NIBAN1: variants seen among roughly 807,000 people sequenced by gnomAD.
The protein encoded by NIBAN1 is protein Niban 1.
A neutral mutation model predicts 75.1 loss-of-function variants in NIBAN1; 81 were observed. The ratio of observed to expected loss-of-function variants is 1.08; its 90% CI spans 0.90 to 1.30. The LOEUF (loss-of-function observed/expected upper bound fraction) is 1.30, where lower values mean the gene tolerates loss of function less well. Among genes scored for constraint, NIBAN1 ranks in the 50% most tolerant of loss-of-function variants. NIBAN1 has a pLI of 0.00. For synonymous variants in NIBAN1, 436 were observed against 424.8 expected (o/e 1.03, Z -0.32); for missense variants, 1,133 against 1,128.1 (o/e 1.00, Z -0.06).
intron 6 of NIBAN1, among the ~76,000 whole-genome samples, chr1:184,825,565 CTA>C (rs1478282224): frequency 5.9e-5 from 9 of 152,184 alleles, no homozygotes; most frequent in African/African-American, 1.9e-4. Context: ...GAGGGAGTGT[CTA>C]AATTTTTCAA....
At chr1:184,895,186 A>G (rs1656766490) in intron 2 of NIBAN1, among the ~76,000 whole-genome samples, 1 of 152,184 alleles carries the variant, frequency 6.6e-6, no homozygotes. Flanking sequence ...TAGGAGACAG[A>G]TAATGCGGCA....
chr1:184,870,736 T>C (rs1274330381), intron 5 of NIBAN1, among the ~76,000 whole-genome samples: 1 of 152,168 alleles, frequency 6.6e-6, no homozygotes, highest in Non-Finnish European at 1.5e-5. Context: ...GTTAACACCA[T>C]GCAAAAACCT....
At chr1:184,931,607 C>T (rs1159554830) in intron 1 of NIBAN1, among the ~76,000 whole-genome samples, 10 of 152,136 alleles carry the variant, frequency 6.6e-5, no homozygotes, top group Admixed American at 5.9e-4. Context: ...GACCACAATT[C>T]TGTATTTTAT....
Position 184,793,087 on chromosome 1 carries a change from G to A in NIBAN1, c.*1890C>T, listed in dbSNP as rs1315949402. The A allele has an allele frequency of 6.6e-6, 1 of 152,120 alleles. No homozygotes were observed. The highest frequency in any genetic ancestry group is 1.5e-5 in the Non-Finnish European group (1 of 68,020). The allele number at this position is 152,120 out of a possible 1,614,324, so 9.4% of individuals were successfully genotyped here. A position where few individuals can be genotyped will look rare whatever the true frequency, so the allele number is the denominator to read the frequency against. Reference sequence around the variant, plus strand: ...AAATATGATATTATACATATACTGAGTATTATTCATGTTTATGACCTAGAA... The same window carrying A: ...AAATATGATATTATACATATACTGAATATTATTCATGTTTATGACCTAGAA... On this transcript the variant is annotated 3_prime_UTR_variant, in exon 14 of 14. Transcript: ENST00000367511.
At chr1:184,889,221 G>A (rs1656606062) in intron 4 of NIBAN1, among the ~76,000 whole-genome samples, 1 of 152,192 alleles carries the variant, frequency 6.6e-6, no homozygotes, top group South Asian at 2.1e-4. Context: ...TGGAATGAAT[G>A]AGAATCAAAG....
At chr1:184,969,800 G>A (rs908217043) in intron 1 of NIBAN1, among the ~76,000 whole-genome samples, 1 of 151,730 alleles carries the variant, frequency 6.6e-6, no homozygotes, top group African/African-American at 2.4e-5. Flanking sequence ...CCAAAGTGCC[G>A]GGATTACAGG....
rs764831362 is a variant in NIBAN1, at chr1:184,798,045, G to T, written c.1666+34C>A. 26 of 1,440,132 alleles carry T rather than the reference G, an allele frequency of 1.8e-5. No homozygotes were observed. The East Asian group carries it at 5.3e-4, about 29-fold the overall frequency. The allele number at this position is 1,440,132 out of a possible 1,614,324, so 89.2% of individuals were successfully genotyped here. ...TATTTCAGGGATGCTCCCCTCTATG[G>T]AGTGTCCCTGCAGCACCAGGTAACC... On this transcript the variant is annotated intron_variant, in intron 13 of 13. Coordinates refer to ENST00000367511, the MANE Select transcript of NIBAN1 (RefSeq NM_052966.4).
At chr1:184,872,299 T>C (rs1208239612) in intron 5 of NIBAN1, among the ~76,000 whole-genome samples, 5 of 151,536 alleles carry the variant, frequency 3.3e-5, no homozygotes, top group Non-Finnish European at 7.4e-5. Context: ...GTAGATAAGG[T>C]TAGTAATGGA....
chr1:184,923,070 G>A (rs1198400727), intron 1 of NIBAN1, among the ~76,000 whole-genome samples: 1 of 152,118 alleles, frequency 6.6e-6, no homozygotes, highest in African/African-American at 2.4e-5. Flanking sequence ...CTAACTTGAT[G>A]GGATCCCATT....
intron 1 of NIBAN1, among the ~76,000 whole-genome samples, chr1:184,917,202 CTTTTTT>C (rs34437861): frequency 1.5e-5 from 2 of 137,504 alleles, no homozygotes; most frequent in Non-Finnish European, 3.1e-5. Flanking sequence ...ATCTCTTCCA[CTTTTTT>C]TTTTTTTTTT....
chr1:184,818,824 C>T lies in NIBAN1; in HGVS notation c.987G>A (p.Ala329=), dbSNP rs201730264. ...SKNYLIGKIK[A]MVAQPAEKSC... ...TTTTCTCCGCCGGCTGGGCCACCAT[C>T]GCTGAGGTAGGAAATAGCCAAAAAA... Residue 329 remains alanine (A), a splice_region_variant and synonymous_variant, in exon 9 of 14, where the codon GCG becomes GCA. Coordinates refer to ENST00000367511, the MANE Select transcript of NIBAN1 (RefSeq NM_052966.4). 3.2e-4 allele frequency: 500 copies of T among 1,585,690 alleles called. No individual in the cohort carries two copies. Among genetic ancestry groups the T allele is most frequent in the Admixed American group, 4.7e-4 (27 of 57,542 alleles).
intron 5 of NIBAN1, among the ~76,000 whole-genome samples, chr1:184,834,303 G>T (rs1357938046): frequency 6.6e-6 from 1 of 152,124 alleles, no homozygotes; most frequent in East Asian, 1.9e-4. Context: ...ATTGTGAATA[G>T]TGCCACAATA....
At chr1:184,964,992 T>C (rs2102086443) in intron 1 of NIBAN1, among the ~76,000 whole-genome samples, 1 of 152,246 alleles carries the variant, frequency 6.6e-6, no homozygotes, top group East Asian at 1.9e-4. Flanking sequence ...AGCCAGCTGT[T>C]ATGTGCCTCC....
At chr1:184,808,043 C>A (rs543912) in intron 10 of NIBAN1, 31 bp downstream of exon 10, 315,908 of 1,611,300 alleles carry the variant, frequency 0.2, 34,445 homozygotes, top group East Asian at 0.36. Context: ...TCTTTACCCT[C>A]ATCCACCACG....
intron 6 of NIBAN1, among the ~76,000 whole-genome samples, chr1:184,827,733 C>A (rs1654881918): frequency 6.6e-6 from 1 of 151,838 alleles, no homozygotes; most frequent in Non-Finnish European, 1.5e-5. Context: ...CACAGTGCTT[C>A]CTTTCAGATG....
chr1:184,808,189 T>G lies in NIBAN1; in HGVS notation c.1220A>C (p.Glu407Ala). 6.2e-7 allele frequency: 1 copy of G among 1,614,094 alleles called. No homozygotes were observed. The highest frequency in any genetic ancestry group is 8.5e-7 in the Non-Finnish European group (1 of 1,180,008). Residue 407 changes from glutamate to alanine, a missense_variant, in exon 10 of 14, where the codon GAA (glutamate) becomes GCA (alanine). Coordinates refer to ENST00000367511, the MANE Select transcript of NIBAN1 (RefSeq NM_052966.4). Reference sequence around the variant, plus strand: ...CAGGTTGACTTTAGTATAACAAGGTTCCATCTTCACGGAATGCAGCGGAAG... The same window carrying G: ...CAGGTTGACTTTAGTATAACAAGGTGCCATCTTCACGGAATGCAGCGGAAG... The part of the protein sequence containing the change: ...MNLPLHSVKM[E>A]PCYTKVNLLH...
At chr1:184,828,792 C>T (rs1344140030) in intron 6 of NIBAN1, among the ~76,000 whole-genome samples, 1 of 144,934 alleles carries the variant, frequency 6.9e-6, no homozygotes, top group Admixed American at 7.3e-5. Flanking sequence ...CACTTAAATT[C>T]TGAGAGAAGC....
intron 1 of NIBAN1, among the ~76,000 whole-genome samples, chr1:184,908,313 G>A (rs1244046709): frequency 1.3e-5 from 2 of 152,116 alleles, no homozygotes; most frequent in South Asian, 2.1e-4. Flanking sequence ...GGTAAGCAGA[G>A]GCAAAAATAT....
intron 5 of NIBAN1, among the ~76,000 whole-genome samples, chr1:184,881,275 G>A (rs558531363): frequency 6.6e-6 from 1 of 152,244 alleles, no homozygotes; most frequent in Admixed American, 6.5e-5. Flanking sequence ...GCATAATCAG[G>A]CCCTTCATCA....
Sources: gnomAD v4.1 joint callset for allele counts (sites outside exome capture counted in the v4.1 genomes callset) on GRCh38, gnomAD v4.1.1 for gene constraint, MANE v1.5 for transcripts, NCBI Gene and HGNC (gene_info 2026-07-23, HGNC 2026-07-21) for gene names.